SAMD12: variants seen among roughly 807,000 people sequenced by gnomAD.
SAMD12 encodes the protein sterile alpha motif domain containing 12.
Under a neutral mutation model 15.0 loss-of-function variants are expected in SAMD12, and 9 were observed. The observed-to-expected ratio is 0.60, with a 90% CI of 0.36 to 1.05. SAMD12 has a LOEUF of 1.05. Ranked by LOEUF, SAMD12 falls within the 50% of genes least tolerant of loss-of-function variation. The pLI, the probability that SAMD12 is intolerant of heterozygous loss-of-function variation, is 0.01. For synonymous variants in SAMD12, 86 were observed against 90.1 expected (o/e 0.96, Z 0.25); for missense variants, 230 against 234.2 (o/e 0.98, Z 0.12).
intron 2 of SAMD12, among the ~76,000 whole-genome samples, chr8:118,537,871 G>T (rs1008965228): frequency 4.8e-4 from 73 of 152,150 alleles, no homozygotes; most frequent in Admixed American, 2.0e-4. Flanking sequence ...GTCAGTGTCT[G>T]GGCATTGAAG....
chr8:118,205,114 TA>T (rs997379326), intron 4 of SAMD12, among the ~76,000 whole-genome samples: 2 of 152,150 alleles, frequency 1.3e-5, no homozygotes, highest in Non-Finnish European at 2.9e-5. Flanking sequence ...ATAGGCTGGG[TA>T]AGGGATAATT....
intron 4 of SAMD12, among the ~76,000 whole-genome samples, chr8:118,206,931 T>C (rs1346482093): frequency 6.6e-6 from 1 of 152,224 alleles, no homozygotes; most frequent in Non-Finnish European, 1.5e-5. Context: ...TGTGGTAGAA[T>C]GTCGGGACTA....
chr8:118,543,097 C>A (rs981349431), intron 2 of SAMD12, among the ~76,000 whole-genome samples: 1 of 152,148 alleles, frequency 6.6e-6, no homozygotes, highest in Non-Finnish European at 1.5e-5. Flanking sequence ...AGGGGGTTAT[C>A]TTTGAAAGCC....
intron 4 of SAMD12, among the ~76,000 whole-genome samples, chr8:118,295,396 C>T (rs1814650724): frequency 6.6e-6 from 1 of 152,148 alleles, no homozygotes; most frequent in South Asian, 2.1e-4. Context: ...CTTTGAACCT[C>T]TGAACTAACC....
chr8:118,606,961 A>T (rs148763044), intron 1 of SAMD12, among the ~76,000 whole-genome samples: 1 of 152,080 alleles, frequency 6.6e-6, no homozygotes. Flanking sequence ...GAGTACCCTC[A>T]TGGTACCACC....
chr8:118,594,643 C>T (rs1028938901), intron 1 of SAMD12, among the ~76,000 whole-genome samples: 3 of 151,868 alleles, frequency 2.0e-5, no homozygotes, highest in Non-Finnish European at 2.9e-5. Flanking sequence ...GGAAAGACTA[C>T]GAGAAAAAAA....
chr8:118,440,071 A>C, intron 2 of SAMD12, 110 bp from the exon 3 acceptor site: 1 of 1,058,274 alleles, frequency 9.4e-7, no homozygotes, highest in South Asian at 1.5e-5. Context: ...CCCTGAAGAT[A>C]AATATCTAGT....
At chr8:118,500,297 C>G (rs1282963532) in intron 2 of SAMD12, among the ~76,000 whole-genome samples, 5 of 151,560 alleles carry the variant, frequency 3.3e-5, no homozygotes, top group African/African-American at 9.7e-5. Flanking sequence ...AGGCTTGCCT[C>G]AAACTCCTGA....
the SAMD12 span, among the ~76,000 whole-genome samples, chr8:118,158,877 G>A: frequency 6.6e-6 from 1 of 152,096 alleles, no homozygotes; most frequent in African/African-American, 2.4e-5. Context: ...CAACCTGCCT[G>A]CAGAAAGGAG....
chr8:118,194,031 A>C (rs1044690321), exon 5 of SAMD12: 1 of 152,322 alleles, frequency 6.6e-6, no homozygotes, highest in Non-Finnish European at 1.5e-5. Flanking sequence ...GGGGGTATTA[A>C]AAACTTCAAT....
downstream of SAMD12, among the ~76,000 whole-genome samples, chr8:118,374,048 G>C (rs566505580): frequency 7.0e-4 from 106 of 151,890 alleles, 1 homozygote; most frequent in African/African-American, 2.5e-3. Flanking sequence ...ATTTTTAAGC[G>C]CACAGTTCAG....
At chr8:118,599,497 C>G (rs1275693116) in intron 1 of SAMD12, among the ~76,000 whole-genome samples, 2 of 152,184 alleles carry the variant, frequency 1.3e-5, no homozygotes, top group Non-Finnish European at 2.9e-5. Context: ...GTGCGGAGCG[C>G]TGCTGGTACC....
At chr8:118,342,240 C>T (rs1312492061) in intron 4 of SAMD12, among the ~76,000 whole-genome samples, 4 of 84,444 alleles carry the variant, frequency 4.7e-5, no homozygotes, top group South Asian at 8.3e-4. Flanking sequence ...TGCAGTGAGT[C>T]GAGATCATGC....
At chr8:118,289,830 C>T (rs1814264810) in intron 4 of SAMD12, among the ~76,000 whole-genome samples, 1 of 152,188 alleles carries the variant, frequency 6.6e-6, no homozygotes, top group African/African-American at 2.4e-5. Context: ...CCCAACTGTG[C>T]ATTTGAGTTA....
chr8:118,444,697 CA>C (rs1244111064), intron 2 of SAMD12, among the ~76,000 whole-genome samples: 1 of 152,114 alleles, frequency 6.6e-6, no homozygotes, highest in African/African-American at 2.4e-5. Context: ...TGCTAAGTAA[CA>C]GAATAATTAA....
chr8:118,295,601 C>T (rs747596402), intron 4 of SAMD12: 1 of 150,636 alleles, frequency 6.6e-6, no homozygotes, highest in Admixed American at 6.6e-5. Context: ...TCCTAGCACA[C>T]AGAAGACTGC....
intron 2 of SAMD12, among the ~76,000 whole-genome samples, chr8:118,485,176 T>C (rs28670194): frequency 0.13 from 19,983 of 151,810 alleles, 1,681 homozygotes; most frequent in African/African-American, 0.24. Flanking sequence ...AATATTCTGT[T>C]AGTAAACCAG....
At chr8:118,614,577 T>C (rs1828194078) in intron 1 of SAMD12, among the ~76,000 whole-genome samples, 1 of 152,154 alleles carries the variant, frequency 6.6e-6, no homozygotes, top group Admixed American at 6.5e-5. Context: ...CCACACCCCA[T>C]AGCCAATCCA....
At chr8:118,399,632 G>T (rs1477925322) in intron 3 of SAMD12, among the ~76,000 whole-genome samples, 1 of 152,150 alleles carries the variant, frequency 6.6e-6, no homozygotes, top group Non-Finnish European at 1.5e-5. Context: ...TCTCGTTGTG[G>T]CTGAATCACA....
Sources: allele counts gnomAD v4.1 joint callset (sites outside exome capture counted in the v4.1 genomes callset), GRCh38; gene constraint gnomAD v4.1.1; transcripts MANE v1.5; gene names NCBI Gene and HGNC (gene_info 2026-07-23, HGNC 2026-07-21).